Variants in PTPN18 observed in about 807,000 individuals in gnomAD.
PTPN18 encodes the protein protein tyrosine phosphatase non-receptor type 18, also known as tyrosine-protein phosphatase non-receptor type 18.
PTPN18 carries 65 observed loss-of-function variants against 65.4 expected under a neutral mutation model. The ratio of observed to expected loss-of-function variants is 0.99; its 90% CI spans 0.81 to 1.22. PTPN18 has a LOEUF of 1.22. Ranked by LOEUF, PTPN18 falls within the 50% of genes most tolerant of loss-of-function variation. The probability of loss-of-function intolerance (pLI) is 0.00; values close to 1 mark genes in which losing one functional copy is unlikely to be tolerated. For missense variants in PTPN18, 616 were observed against 646.5 expected, an observed-to-expected ratio of 0.95 and a Z score of 0.51; for synonymous variants, 255 against 267.8, an observed-to-expected ratio of 0.95 and a Z score of 0.47.
At chr2:130,368,983 G>A (rs1573864534) in intron 5 of PTPN18, 150 bp from the exon 6 acceptor site, 3 of 609,570 alleles carry the variant, frequency 4.9e-6, no homozygotes, top group African/African-American at 3.7e-5. Context: ...TAATCTGATG[G>A]CTCTGTTGGC....
intron 13 of PTPN18, 190 bp downstream of exon 13, chr2:130,372,673 G>A (rs1452092487): frequency 1.0e-6 from 1 of 974,052 alleles, no homozygotes; most frequent in African/African-American, 1.7e-5. Context: ...CGCAGTCGCG[G>A]TCCAGGGGCA....
Position 130,374,865 on chromosome 2 carries a change from A to T in PTPN18, c.*1641A>T. The T allele has an allele frequency of 5.6e-6, 2 of 359,274 alleles. No homozygotes were observed. The highest frequency in any genetic ancestry group is 4.1e-5 in the South Asian group (2 of 48,972). The allele number at this position is 359,274 out of a possible 1,614,324, so 22.3% of individuals were successfully genotyped here. On this transcript the variant is annotated 3_prime_UTR_variant, in exon 15 of 15. Coordinates refer to ENST00000175756, the MANE Select transcript of PTPN18 (RefSeq NM_014369.4). ...CTCTCCTGCAGCCTTCAATCAAGGA[A>T]TGATGGGGATGTGTACATACCCCAC...
chr2:130,371,751 G>A (rs2104953053), intron 12 of PTPN18, among the ~76,000 whole-genome samples: 1 of 152,314 alleles, frequency 6.6e-6, no homozygotes, highest in Admixed American at 6.5e-5. Flanking sequence ...GGAGGTGGAG[G>A]TTGCAGTAAG....
intron 9 of PTPN18, 36 bp from the exon 10 acceptor site, chr2:130,370,669 C>T (rs369175241): frequency 4.5e-5 from 72 of 1,613,930 alleles, no homozygotes; most frequent in East Asian, 1.1e-4. Flanking sequence ...CCCATGACCA[C>T]GTGTCCTGCT....
Position 130,356,164 on chromosome 2 carries a change from C to G in PTPN18, c.57C>G (p.Gly19=). 3 of 1,313,740 alleles carry G rather than the reference C, an allele frequency of 2.3e-6. No individual in the cohort carries two copies. Among genetic ancestry groups the G allele is most frequent in the Non-Finnish European group, 1.9e-6 (2 of 1,036,222 alleles). The allele number at this position is 1,313,740 out of a possible 1,614,324, so 81.4% of individuals were successfully genotyped here. Reference sequence around the variant, plus strand: ...TCCTGGAGCGGCTGGAAGCGCGGGGCGGCCGGGAGGGGGCAGTCCTCGCCG... The same window carrying G: ...TCCTGGAGCGGCTGGAAGCGCGGGGGGGCCGGGAGGGGGCAGTCCTCGCCG... ...RSFLERLEAR[G]GREGAVLAGE... is the part of the protein sequence containing the mutation. The change falls in exon 1 of 15, where the codon GGC becomes GGG. Residue 19 remains glycine, a synonymous_variant. Coordinates refer to ENST00000175756, the MANE Select transcript of PTPN18 (RefSeq NM_014369.4).
chr2:130,360,793 A>G (rs940107896), intron 5 of PTPN18, among the ~76,000 whole-genome samples: 1 of 151,408 alleles, frequency 6.6e-6, no homozygotes, highest in Non-Finnish European at 1.5e-5. Context: ...CTTTGGTTGT[A>G]TTCATTTGTA....
chr2:130,356,134 G>A lies in PTPN18; in HGVS notation c.27G>A (p.Arg9=), dbSNP rs1679958856. 7.6e-7 allele frequency: 1 copy of A among 1,309,836 alleles called. No homozygotes were observed. Among genetic ancestry groups the A allele is most frequent in the Non-Finnish European group, 9.7e-7 (1 of 1,032,896 alleles). 81.1% of individuals were successfully genotyped at this position (1,309,836 alleles called of 1,614,324 possible). A position where few individuals can be genotyped will look rare whatever the true frequency, so the allele number is the denominator to read the frequency against. The change falls in exon 1 of 15, where the codon CGG becomes CGA. Residue 9 remains arginine (R), a synonymous_variant. Coordinates refer to ENST00000175756, the MANE Select transcript of PTPN18 (RefSeq NM_014369.4). MSRSLDSA[R]SFLERLEARG... ...TGAGCCGCAGCCTGGACTCGGCGCG[G>A]AGCTTCCTGGAGCGGCTGGAAGCGC...
At position 130,362,680 on chromosome 2, in the gene PTPN18, C is replaced by T. The variant is rs529563697; in HGVS notation, c.414+3034C>T. Among the ~76,000 whole-genome samples, 6 of 152,244 alleles carry T rather than the reference C, an allele frequency of 3.9e-5. No individual in the cohort carries two copies. In the East Asian group the frequency reaches 1.2e-3, roughly 29 times the overall value. On this transcript the variant is annotated intron_variant, in intron 5 of 14. Transcript: ENST00000175756. ...TATATATAAAATATACTCCACAGTA[C>T]ACTGCTATTATAGTTGTTTTAGAAT...
chr2:130,365,518 TC>T (rs1179268184), intron 5 of PTPN18, among the ~76,000 whole-genome samples: 7 of 152,372 alleles, frequency 4.6e-5, no homozygotes, highest in African/African-American at 1.7e-4. Flanking sequence ...AAAATGTCTT[TC>T]CCATTCTGTG....
rs755390465 is a variant in PTPN18, at chr2:130,372,868, C to G, written c.1241-5C>G. The G allele has an allele frequency of 1.2e-6, 2 of 1,614,122 alleles. No homozygotes were observed. The highest frequency in any genetic ancestry group is 1.7e-6 in the Non-Finnish European group (2 of 1,180,018). The stretch of plus-strand genomic sequence containing the variant: ...GCTGACCCGTGGGGGGTCTGCTGCC[C>G]TCAGTTCCTGCTGACCAAAGTCCTG... On this transcript the variant is annotated splice_polypyrimidine_tract_variant and splice_region_variant and intron_variant, in intron 13 of 14. Coordinates refer to ENST00000175756, the MANE Select transcript of PTPN18 (RefSeq NM_014369.4).
intron 6 of PTPN18, 137 bp downstream of exon 6, chr2:130,369,338 C>A: frequency 1.3e-6 from 1 of 776,330 alleles, no homozygotes. Context: ...ATAGTTAGAA[C>A]TTACTATAGG....
intron 5 of PTPN18, among the ~76,000 whole-genome samples, chr2:130,367,622 C>T (rs114154210): frequency 0.027 from 4,078 of 152,092 alleles, 190 homozygotes; most frequent in African/African-American, 0.095. Flanking sequence ...TGCAGTGAGC[C>T]GAGATTGAGC....
At chr2:130,360,631 GC>G (rs1573857667) in intron 5 of PTPN18, among the ~76,000 whole-genome samples, 2 of 152,226 alleles carry the variant, frequency 1.3e-5, no homozygotes, top group East Asian at 3.9e-4. Context: ...GTGTATGCCT[GC>G]TTTTATGCTA....
intron 6 of PTPN18, 119 bp downstream of exon 6, chr2:130,369,320 G>T: frequency 1.1e-6 from 1 of 928,726 alleles, no homozygotes. Context: ...TCTGGTGTTA[G>T]CCTGCAAATA....
chr2:130,372,334 C>G lies in PTPN18; in HGVS notation c.1091C>G (p.Ala364Gly), dbSNP rs868782853. The G allele has an allele frequency of 1.1e-5, 15 of 1,423,846 alleles. No homozygotes were observed. Among genetic ancestry groups the G allele is most frequent in the Non-Finnish European group, 1.4e-5 (15 of 1,097,906 alleles). The allele number at this position is 1,423,846 out of a possible 1,614,324, so 88.2% of individuals were successfully genotyped here. ...GTGGTGCAGAAGCGCGGGGCTCCAG[C>G]GGGCGCCGGGAGTGGGACGCAGACG... is the stretch of plus-strand genomic sequence containing the variant. ...YAVVQKRGAP[A>G]GAGSGTQTGT... Residue 364 changes from alanine (A) to glycine (G), a missense_variant, in exon 13 of 15, where the codon GCG becomes GGG. Physicochemically the swap from Ala to Gly is moderately conservative, Grantham distance 60. Transcript: ENST00000175756.
chr2:130,369,959 A>G, intron 7 of PTPN18, 89 bp from the exon 8 acceptor site: 1 of 1,564,266 alleles, frequency 6.4e-7, no homozygotes, highest in Non-Finnish European at 8.8e-7. Flanking sequence ...GAAGATGCCT[A>G]GAAGTGGGCC....
intron 5 of PTPN18, among the ~76,000 whole-genome samples, chr2:130,364,991 CAT>C (rs1680336981): frequency 6.6e-6 from 1 of 152,156 alleles, no homozygotes; most frequent in Admixed American, 6.5e-5. Context: ...GAGGGAGGGA[CAT>C]GTGTAGTTTA....
rs1416148325 is a variant in PTPN18 at position 130,370,946 on chromosome 2, C to T, written c.906C>T (p.His302=). The change falls in exon 11 of 15, where the codon CAC becomes CAT. Residue 302 remains histidine, a synonymous_variant. Transcript: ENST00000175756. ...CCACACTCCAGAATGCCAGCCCCCA[C>T]TACCAGAACATCAAAGAGGTACAGA... ...FCSTLQNASP[H]YQNIKENCAP... 1 of 1,614,098 alleles carries T rather than the reference C, an allele frequency of 6.2e-7. No individual in the cohort carries two copies. The highest frequency in any genetic ancestry group is 8.5e-7 in the Non-Finnish European group (1 of 1,179,940).
intron 1 of PTPN18, among the ~76,000 whole-genome samples, chr2:130,356,970 C>G (rs535136174): frequency 2.0e-5 from 3 of 152,260 alleles, no homozygotes; most frequent in African/African-American, 7.2e-5. Flanking sequence ...GTGGGAGGAT[C>G]GCTTGAGCTC....
Sources: gnomAD v4.1 joint callset for allele counts (sites outside exome capture counted in the v4.1 genomes callset) on GRCh38, gnomAD v4.1.1 for gene constraint, MANE v1.5 for transcripts, NCBI Gene and HGNC (gene_info 2026-07-23, HGNC 2026-07-21) for gene names.